CEP170B: variants seen among roughly 807,000 people sequenced by gnomAD.
CEP170B encodes centrosomal protein 170B.
CEP170B carries 55 observed loss-of-function variants against 120.6 expected under a neutral mutation model. The ratio of observed to expected loss-of-function variants is 0.46; its 90% CI spans 0.37 to 0.57. The LOEUF (loss-of-function observed/expected upper bound fraction) is 0.57. Among genes scored for constraint, CEP170B ranks in the 20% least tolerant of loss-of-function variants. The pLI is 0.00. For missense variants in CEP170B, 2,212 were observed against 2,253.3 expected (o/e 0.98, Z 0.37); for synonymous variants, 1,033 against 954.5 (o/e 1.08, Z -1.52).
At position 104,894,471 on chromosome 14, in the gene CEP170B, G is replaced by A. The variant is rs151144112; in HGVS notation, c.4366-66G>A. 5.6e-6 allele frequency: 9 copies of A among 1,602,184 alleles called. No individual in the cohort carries two copies. In the South Asian group the frequency reaches 8.8e-5, roughly 16 times the overall value. On this transcript the variant is annotated intron_variant, in intron 17 of 18. Coordinates refer to ENST00000414716, the MANE Select transcript of CEP170B (RefSeq NM_001112726.3). ...AACCTTGTCCCAGCTCCTGCACACAGAGCCCCGGGGCAGGGCTGCAGCCCG... is the reference window on the plus strand; with the variant it reads ...AACCTTGTCCCAGCTCCTGCACACAAAGCCCCGGGGCAGGGCTGCAGCCCG...
chr14:104,886,529 G>T lies in CEP170B; in HGVS notation c.2290G>T (p.Glu764Ter). ...DGGRGPEPGVEPQDSRRRSPQ... is the reference protein window; with the variant it reads ...DGGRGPEPGV ...GGGCCGAGGCCCCGAGCCAGGGGTG[G>T]AGCCACAGGACAGCAGACGCAGGAG... is the stretch of plus-strand genomic sequence containing the variant. The change falls in exon 12 of 19, where the codon GAG (glutamate) becomes TAG (stop). Residue 764 changes from glutamate (E) to a stop codon, truncating the protein, a stop_gained. Transcript: ENST00000414716. LOFTEE classifies it high-confidence loss of function. 6.6e-7 allele frequency: 1 copy of T among 1,515,814 alleles called. No individual in the cohort carries two copies. The highest frequency in any genetic ancestry group is 2.3e-5 in the East Asian group (1 of 43,002). 93.9% of individuals were successfully genotyped at this position (1,515,814 alleles called of 1,614,324 possible).
At chr14:104,872,379 T>C (rs1441365377) in intron 2 of CEP170B, among the ~76,000 whole-genome samples, 1 of 76,418 alleles carries the variant, frequency 1.3e-5, no homozygotes, top group African/African-American at 4.0e-5. Context: ...GTGCCATGGG[T>C]GTGCATGTGT....
chr14:104,888,602 C>T (rs776999113), intron 12 of CEP170B, among the ~76,000 whole-genome samples: 20 of 152,216 alleles, frequency 1.3e-4, no homozygotes, highest in Non-Finnish European at 2.4e-4. Context: ...CTGGGGTGGC[C>T]GGACATCCGC....
At position 104,870,613 on chromosome 14, in the gene CEP170B, C is replaced by T. The variant is rs1241853176; in HGVS notation, c.105+2058C>T. On this transcript the variant is annotated intron_variant, in intron 2 of 18. Coordinates refer to ENST00000414716, the MANE Select transcript of CEP170B (RefSeq NM_001112726.3). This position sits in a 1 kb window ranked among gnomAD's most constrained non-coding sequence, Gnocchi z 4.1. ...CTGCCCCACCCCTGCACCAGGCCTGCTCTGCCTGCTTCTCCCTGGGGTAGG... is the reference window on the plus strand; with the variant it reads ...CTGCCCCACCCCTGCACCAGGCCTGTTCTGCCTGCTTCTCCCTGGGGTAGG... Among the ~76,000 whole-genome samples the T allele has an allele frequency of 6.6e-6, 1 of 152,132 alleles. No individual in the cohort carries two copies. Among genetic ancestry groups the T allele is most frequent in the Non-Finnish European group, 1.5e-5 (1 of 68,008 alleles).
chr14:104,885,787 C>T (rs1896456100), intron 10 of CEP170B, among the ~76,000 whole-genome samples: 1 of 152,150 alleles, frequency 6.6e-6, no homozygotes, highest in Non-Finnish European at 1.5e-5. Flanking sequence ...GCTGCTCTGC[C>T]AACCTGGAAC....
rs757998502 is a variant in CEP170B, at chr14:104,887,264, G to A, written c.3025G>A (p.Glu1009Lys). Reference protein sequence around the residue: ...ALVSAREQSSERQHHPLGPTD... With the variant: ...ALVSAREQSSKRQHHPLGPTD... ...GGTCAGTGCCCGTGAGCAGTCCTCA[G>A]AGAGGCAGCATCACCCACTTGGCCC... The change falls in exon 12 of 19, where the codon GAG becomes AAG. Residue 1009 changes from glutamate to lysine, a missense_variant. Glu to Lys is a moderately conservative substitution (Grantham distance 56). Transcript: ENST00000414716. 1 of 1,608,336 alleles carries A rather than the reference G, an allele frequency of 6.2e-7. No individual in the cohort carries two copies. Among genetic ancestry groups the A allele is most frequent in the Non-Finnish European group, 8.5e-7 (1 of 1,179,336 alleles).
At chr14:104,874,567 C>T (rs1207486074) in intron 2 of CEP170B, among the ~76,000 whole-genome samples, 1 of 152,150 alleles carries the variant, frequency 6.6e-6, no homozygotes, top group African/African-American at 2.4e-5. Flanking sequence ...CCTACTCTCC[C>T]CTTTAAACCT....
rs895072247 is a variant in CEP170B, at chr14:104,868,354, G to A, written c.-27-70G>A. The A allele has an allele frequency of 9.1e-7, 1 of 1,101,104 alleles. No homozygotes were observed. Among genetic ancestry groups the A allele is most frequent in the East Asian group, 2.6e-5 (1 of 38,652 alleles). 68.2% of individuals were successfully genotyped at this position (1,101,104 alleles called of 1,614,324 possible). A position where few individuals can be genotyped will look rare whatever the true frequency, so the allele number is the denominator to read the frequency against. The stretch of plus-strand genomic sequence containing the variant: ...CTTAGAGGGTCAGGATCTGGGCTGG[G>A]CCTTGGATGTGTCCAGGGGGCTAAG... On this transcript the variant is annotated intron_variant, in intron 1 of 18. Coordinates refer to ENST00000414716, the MANE Select transcript of CEP170B (RefSeq NM_001112726.3). This position sits in a 1 kb window ranked among gnomAD's most constrained non-coding sequence, Gnocchi z 5.9.
intron 14 of CEP170B, 42 bp downstream of exon 14, chr14:104,893,177 C>T (rs1440147237): frequency 1.3e-6 from 2 of 1,584,064 alleles, no homozygotes; most frequent in Admixed American, 3.5e-5. Context: ...CAGAGCCACC[C>T]TCGAGGAGGG....
At position 104,865,825 on chromosome 14, in the gene CEP170B, G is replaced by C. The variant is rs1189820367; in HGVS notation, c.-28+312G>C. 6.6e-6 allele frequency among the ~76,000 whole-genome samples: 1 copy of C among 152,090 alleles called. No individual in the cohort carries two copies. Among genetic ancestry groups the C allele is most frequent in the Non-Finnish European group, 1.5e-5 (1 of 67,980 alleles). ...CCCGGAGAGCGCTGATTCAGAAGGC[G>C]CCGCTCCCTCCCCCGCCGGGCCCGG... On this transcript the variant is annotated intron_variant, in intron 1 of 18. Coordinates refer to ENST00000414716, the MANE Select transcript of CEP170B (RefSeq NM_001112726.3). The surrounding 1 kb of genome is among the most constrained non-coding windows in gnomAD (Gnocchi z 6.7).
Position 104,895,241 on chromosome 14 carries a change from G to T in CEP170B, c.*283G>T, listed in dbSNP as rs1000055506. ...TGCTGCCAAGGTCAAGCCCTCAAGG[G>T]CATTACCCCGCCTCCTCTTCATCAC... On this transcript the variant is annotated 3_prime_UTR_variant, in exon 19 of 19. Transcript: ENST00000414716. The T allele has an allele frequency of 7.0e-6, 3 of 431,410 alleles. No individual in the cohort carries two copies. The East Asian group carries it at 1.1e-4, about 16-fold the overall frequency. 26.7% of individuals were successfully genotyped at this position (431,410 alleles called of 1,614,324 possible). A position where few individuals can be genotyped will look rare whatever the true frequency, so the allele number is the denominator to read the frequency against.
In CEP170B at chr14:104,886,085, C is replaced by T. The variant is rs764882985; in HGVS notation, c.1990C>T (p.Arg664Cys). 16 of 1,546,788 alleles carry T rather than the reference C, an allele frequency of 1.0e-5. No individual in the cohort carries two copies. The East Asian group carries it at 1.7e-4, about 17-fold the overall frequency. ...GSPGGQKWVSRWASLADSYSD... is the reference protein window; with the variant it reads ...GSPGGQKWVSCWASLADSYSD... ...CCCTGGGGGTCAGAAGTGGGTGTCC[C>T]GCTGGGCCAGCCTGGCTGACAGCTA... The change falls in exon 11 of 19, where the codon CGC becomes TGC. Residue 664 changes from arginine (R) to cysteine (C), a missense_variant. Physicochemically the swap from Arg to Cys is radical, Grantham distance 180. Transcript: ENST00000414716.
chr14:104,879,571 C>A (rs972580203), intron 5 of CEP170B, among the ~76,000 whole-genome samples: 7 of 152,294 alleles, frequency 4.6e-5, no homozygotes, highest in Non-Finnish European at 8.8e-5. Flanking sequence ...CACTGCCCGC[C>A]CTGGCCGGGT....
chr14:104,883,179 A>G lies in CEP170B; in HGVS notation c.722A>G (p.Glu241Gly). The G allele has an allele frequency of 6.2e-7, 1 of 1,605,706 alleles. No individual in the cohort carries two copies. Among genetic ancestry groups the G allele is most frequent in the South Asian group, 1.1e-5 (1 of 90,584 alleles). The change falls in exon 8 of 19, where the codon GAG becomes GGG. Residue 241 changes from glutamate to glycine, a missense_variant. Transcript: ENST00000414716. The stretch of plus-strand genomic sequence containing the variant: ...ACCCCGCAGCCGTCGCAGCCCCCCG[A>G]GGTGCCGGCACACGAGATGCCCACG... Reference protein sequence around the residue: ...KETPQPSQPPEVPAHEMPTKD... With the variant: ...KETPQPSQPPGVPAHEMPTKD...
intron 2 of CEP170B, among the ~76,000 whole-genome samples, chr14:104,874,543 G>T (rs756635762): frequency 6.6e-6 from 1 of 152,082 alleles, no homozygotes; most frequent in Non-Finnish European, 1.5e-5. Context: ...CTCAGGGATG[G>T]CTGCACCCAG....
Position 104,884,391 on chromosome 14 carries a change from G to T in CEP170B, c.1612G>T (p.Val538Leu), listed in dbSNP as rs777479560. ...CCTGACACCCCATGGGACCAGCCCCGTGGGCCCCCCGACCCCACCGCCCGC... is the reference window on the plus strand; with the variant it reads ...CCTGACACCCCATGGGACCAGCCCCTTGGGCCCCCCGACCCCACCGCCCGC... ...APLTPHGTSP[V>L]GPPTPPPAPT... Residue 538 changes from valine (V) to leucine (L), a missense_variant, in exon 9 of 19, where the codon GTG (valine) becomes TTG (leucine). By Grantham distance (32) the Val-to-Leu change is conservative (BLOSUM62 1). Transcript: ENST00000414716. The T allele has an allele frequency of 2.6e-6, 4 of 1,547,184 alleles. No homozygotes were observed. The highest frequency in any genetic ancestry group is 3.5e-6 in the Non-Finnish European group (4 of 1,146,388).
Position 104,886,648 on chromosome 14 carries a change from T to C in CEP170B, c.2409T>C (p.Asn803=), listed in dbSNP as rs1380463918. 1 of 1,529,058 alleles carries C rather than the reference T, an allele frequency of 6.5e-7. No homozygotes were observed. The highest frequency in any genetic ancestry group is 8.8e-7 in the Non-Finnish European group (1 of 1,140,828). 94.7% of individuals were successfully genotyped at this position (1,529,058 alleles called of 1,614,324 possible). Residue 803 remains asparagine (N), a synonymous_variant, in exon 12 of 19, where the codon AAT becomes AAC. Transcript: ENST00000414716. ...TPASFFIGDQ[N]GDAVLSRKPL... Reference sequence around the variant, plus strand: ...CCTCTTTCTTCATTGGGGACCAGAATGGGGACGCTGTGTTATCTAGGAAAC... The same window carrying C: ...CCTCTTTCTTCATTGGGGACCAGAACGGGGACGCTGTGTTATCTAGGAAAC...
chr14:104,885,876 T>C (rs1896462260), intron 10 of CEP170B, among the ~76,000 whole-genome samples, 164 bp from the exon 11 acceptor site: 2 of 152,218 alleles, frequency 1.3e-5, no homozygotes, highest in Non-Finnish European at 2.9e-5. Flanking sequence ...CTGGGATCCC[T>C]GGCTGCCTTT....
Position 104,893,659 on chromosome 14 carries a change from G to C in CEP170B, c.4175G>C (p.Arg1392Pro), listed in dbSNP as rs746786156. ...ALANKTRPRNREEVIFDNLML... is the reference protein window; with the variant it reads ...ALANKTRPRNPEEVIFDNLML... ...GCCAACAAGACGCGGCCTCGGAACC[G>C]AGAGGAGGCACGGTGCCCACTACCG... The change falls in exon 15 of 19, where the codon CGA (arginine) becomes CCA (proline). Residue 1392 changes from arginine to proline, a missense_variant. Transcript: ENST00000414716. 1.9e-6 allele frequency: 3 copies of C among 1,586,924 alleles called. No homozygotes were observed. Among genetic ancestry groups the C allele is most frequent in the Non-Finnish European group, 2.6e-6 (3 of 1,167,746 alleles).
Sources: gnomAD v4.1 joint callset for allele counts (sites outside exome capture counted in the v4.1 genomes callset) on GRCh38, gnomAD v4.1.1 for gene constraint, Gnocchi (gnomAD v3.1) non-coding constraint, MANE v1.5 for transcripts, NCBI Gene and HGNC (gene_info 2026-07-23, HGNC 2026-07-21) for gene names.